Variants in ATG14 observed in about 807,000 individuals in gnomAD.
ATG14 encodes the protein autophagy related 14.
In ATG14, 35 loss-of-function variants were observed where a neutral mutation model predicts 60.4. The observed-to-expected ratio is 0.58, with a 90% confidence interval of 0.44 to 0.77. The LOEUF (loss-of-function observed/expected upper bound fraction) is 0.77. Among genes scored for constraint, ATG14 ranks in the 30% least tolerant of loss-of-function variants. ATG14 has a pLI of 0.00. For synonymous variants in ATG14, 234 were observed against 228.8 expected (o/e 1.02, Z -0.21); for missense variants, 647 against 626.3 (o/e 1.03, Z -0.35).
At chr14:55,396,832 A>G (rs933301493) in intron 2 of ATG14, among the ~76,000 whole-genome samples, 2 of 152,272 alleles carry the variant, frequency 1.3e-5, no homozygotes, top group African/African-American at 4.8e-5. Context: ...TTAATAACTC[A>G]GATTCCCACC....
chr14:55,369,365 C>T lies in ATG14; in HGVS notation c.*254G>A, dbSNP rs754999122. On this transcript the variant is annotated 3_prime_UTR_variant, in exon 10 of 10. Coordinates refer to ENST00000247178, the MANE Select transcript of ATG14 (RefSeq NM_014924.5). ...AGAACTGGCCACACGCACAGGTCCT[C>T]CTTCCACCAGCACTGGTCTGGGTAG... 3.9e-5 allele frequency: 12 copies of T among 309,318 alleles called. No individual in the cohort carries two copies. The highest frequency in any genetic ancestry group is 6.4e-5 in the Non-Finnish European group (11 of 170,766). The allele number at this position is 309,318 out of a possible 1,614,324, so 19.2% of individuals were successfully genotyped here.
chr14:55,401,143 T>C (rs1885391882), intron 1 of ATG14, among the ~76,000 whole-genome samples: 1 of 152,028 alleles, frequency 6.6e-6, no homozygotes, highest in Non-Finnish European at 1.5e-5. Context: ...CTCTGAGAGA[T>C]GGTTTGTAAT....
intron 5 of ATG14, 142 bp downstream of exon 5, chr14:55,385,717 G>GTTT (rs1326683207): frequency 2.5e-6 from 2 of 809,170 alleles, no homozygotes; most frequent in Non-Finnish European, 3.8e-6. Flanking sequence ...CGTACTGTTT[G>GTTT]TTGAAACAGA....
At chr14:55,379,485 C>A (rs1030174618) in intron 7 of ATG14, among the ~76,000 whole-genome samples, 3 of 152,016 alleles carry the variant, frequency 2.0e-5, no homozygotes, top group African/African-American at 7.3e-5. Context: ...ACGGAGGTTG[C>A]AATGAGCTAA....
chr14:55,379,187 T>C (rs1417443455), intron 7 of ATG14, among the ~76,000 whole-genome samples: 2 of 152,228 alleles, frequency 1.3e-5, no homozygotes, highest in Admixed American at 6.5e-5. Context: ...TTCATAAATA[T>C]GTGTTACATA....
chr14:55,378,488 A>G (rs1264129830), intron 7 of ATG14, among the ~76,000 whole-genome samples: 1 of 152,190 alleles, frequency 6.6e-6, no homozygotes, highest in East Asian at 1.9e-4. Context: ...TGAGGCCCAC[A>G]AGATTTGCAC....
At chr14:55,380,735 C>G in intron 6 of ATG14, 45 bp from the exon 7 acceptor site, 4 of 1,291,110 alleles carry the variant, frequency 3.1e-6, no homozygotes, top group Non-Finnish European at 4.4e-6. Flanking sequence ...TTAATTCCAA[C>G]AAAACTACTA....
At position 55,409,556 on chromosome 14, in the gene ATG14, G is replaced by C. The variant is rs976028159; in HGVS notation, c.221+2046C>G. Among the ~76,000 whole-genome samples, 5 of 139,618 alleles carry C rather than the reference G, an allele frequency of 3.6e-5. No individual in the cohort carries two copies. In the East Asian group the frequency reaches 8.1e-4, roughly 23 times the overall value. The allele number at this position is 139,618 out of a possible 152,430, so 91.6% of individuals were successfully genotyped here. ...CAGAAAGAGTCTAACGTATGAGCAGGCACCTAAAAAAAAAAACAAAGGAGG... is the reference window on the plus strand; with the variant it reads ...CAGAAAGAGTCTAACGTATGAGCAGCCACCTAAAAAAAAAAACAAAGGAGG... On this transcript the variant is annotated intron_variant, in intron 1 of 9. Coordinates refer to ENST00000247178, the MANE Select transcript of ATG14 (RefSeq NM_014924.5).
chr14:55,369,707 G>T lies in ATG14; in HGVS notation c.1391C>A (p.Pro464His). 4 of 1,610,156 alleles carry T rather than the reference G, an allele frequency of 2.5e-6. No individual in the cohort carries two copies. Among genetic ancestry groups the T allele is most frequent in the South Asian group, 2.2e-5 (2 of 90,706 alleles). ...SQSQSTQASPPIASSSAGGMI... is the reference protein window; with the variant it reads ...SQSQSTQASPHIASSSAGGMI... Reference sequence around the variant, plus strand: ...CCCACCTGCACTGCTGCTCGCGATGGGTGGGGACGCCTGGGTGCTCTGACT... The same window carrying T: ...CCCACCTGCACTGCTGCTCGCGATGTGTGGGGACGCCTGGGTGCTCTGACT... The change falls in exon 10 of 10, where the codon CCC (proline) becomes CAC (histidine). Residue 464 changes from proline to histidine, a missense_variant. By Grantham distance (77) the Pro-to-His change is moderately conservative. Transcript: ENST00000247178.
chr14:55,382,099 GA>G lies in ATG14; in HGVS notation c.739del (p.Ser247GlnfsTer77). On this transcript the variant is annotated frameshift_variant, in exon 6 of 10. Transcript: ENST00000247178. LOFTEE classifies it high-confidence loss of function. The part of the protein sequence containing the change: ...LAEARRTTYL[S>X]GRWVCDDHNG... ...GTGATCGTCACAGACCCATCGTCCT[GA>G]GAGGTAAGTTGTCCTCCGGGCTTCA... is the stretch of plus-strand genomic sequence containing the variant. The G allele has an allele frequency of 1.2e-6, 2 of 1,614,082 alleles. No homozygotes were observed. The highest frequency in any genetic ancestry group is 1.7e-6 in the Non-Finnish European group (2 of 1,180,004).
In ATG14 at chr14:55,368,427, C is replaced by G. The variant is rs1402078440; in HGVS notation, c.*1192G>C. The G allele has an allele frequency of 6.6e-6, 1 of 152,250 alleles. No homozygotes were observed. Among genetic ancestry groups the G allele is most frequent in the African/African-American group, 2.4e-5 (1 of 41,428 alleles). 9.4% of individuals were successfully genotyped at this position (152,250 alleles called of 1,614,324 possible). A position where few individuals can be genotyped will look rare whatever the true frequency, so the allele number is the denominator to read the frequency against. ...TAGAAACAGGGTTTCACCATGTTAG[C>G]CAGGCTGCTCTCAAACTCCTGACCT... On this transcript the variant is annotated 3_prime_UTR_variant, in exon 10 of 10. Coordinates refer to ENST00000247178, the MANE Select transcript of ATG14 (RefSeq NM_014924.5).
At chr14:55,375,490 A>ATTTTTTTTT (rs779634897) in intron 9 of ATG14, among the ~76,000 whole-genome samples, 5 of 117,798 alleles carry the variant, frequency 4.2e-5, no homozygotes, top group Admixed American at 9.3e-5. Context: ...GCCGGGCTAA[A>ATTTTTTTTT]TTTTTTTTTT....
At chr14:55,393,656 C>A (rs1885262098) in intron 3 of ATG14, among the ~76,000 whole-genome samples, 1 of 151,824 alleles carries the variant, frequency 6.6e-6, no homozygotes, top group South Asian at 2.1e-4. Context: ...GTGATCCTCC[C>A]ACCTCAACCT....
chr14:55,393,392 A>AC (rs972849879), intron 3 of ATG14, among the ~76,000 whole-genome samples: 5 of 152,086 alleles, frequency 3.3e-5, no homozygotes, highest in African/African-American at 1.2e-4. Context: ...CTCAAAAAAA[A>AC]GAGGAAAAAA....
At chr14:55,385,535 C>T (rs1378048123) in intron 5 of ATG14, among the ~76,000 whole-genome samples, 1 of 152,176 alleles carries the variant, frequency 6.6e-6, no homozygotes, top group Non-Finnish European at 1.5e-5. Flanking sequence ...TCAGGTGATT[C>T]GCCTGCCTCG....
At chr14:55,401,813 C>T (rs906316372) in intron 1 of ATG14, among the ~76,000 whole-genome samples, 1 of 152,136 alleles carries the variant, frequency 6.6e-6, no homozygotes, top group Non-Finnish European at 1.5e-5. Flanking sequence ...CACCCAGGAG[C>T]GCTGCCTGTC....
rs1289839215 is a variant in ATG14, at chr14:55,411,491, C to T, written c.221+111G>A. The T allele has an allele frequency of 1.3e-5, 14 of 1,069,104 alleles. No individual in the cohort carries two copies. The Admixed American group carries it at 3.4e-4, about 26-fold the overall frequency. 66.2% of individuals were successfully genotyped at this position (1,069,104 alleles called of 1,614,324 possible). The stretch of plus-strand genomic sequence containing the variant: ...CTAGCTACACTCCCTCTCTCTCGCT[C>T]CTCTCGCTGGTATCTGGTGCCCGGA... On this transcript the variant is annotated intron_variant, in intron 1 of 9. Transcript: ENST00000247178.
intron 5 of ATG14, among the ~76,000 whole-genome samples, chr14:55,383,596 AC>A (rs370410344): frequency 1.3e-5 from 2 of 151,356 alleles, no homozygotes; most frequent in East Asian, 1.9e-4. Context: ...AACAAAAAAA[AC>A]CCCCAAGAAC....
intron 3 of ATG14, among the ~76,000 whole-genome samples, chr14:55,393,349 C>T (rs1358929887): frequency 6.6e-6 from 1 of 151,528 alleles, no homozygotes; most frequent in East Asian, 1.9e-4. Context: ...CGCGCCACTG[C>T]ACTCCAGCCT....
Sources: gnomAD v4.1 joint callset for allele counts (sites outside exome capture counted in the v4.1 genomes callset) on GRCh38, gnomAD v4.1.1 for gene constraint, MANE v1.5 for transcripts, NCBI Gene and HGNC (gene_info 2026-07-23, HGNC 2026-07-21) for gene names.